Variants in ZZEF1 observed in about 807,000 individuals in gnomAD.
The protein encoded by ZZEF1 is zinc finger ZZ-type and EF-hand domain-containing protein 1.
In ZZEF1, 157 loss-of-function variants were observed where a neutral mutation model predicts 342.8. The observed-to-expected ratio is 0.46, with a 90% CI of 0.40 to 0.52. The LOEUF is 0.52. ZZEF1 is among the 20% of genes least tolerant of loss of function. The pLI is 0.00. For missense variants in ZZEF1, 3,480 were observed against 3,725.6 expected (o/e 0.93, Z 1.72); for synonymous variants, 1,505 against 1,429.1 (o/e 1.05, Z -1.20).
At chr17:4,030,257 A>C (rs2056512481) in intron 42 of ZZEF1, among the ~76,000 whole-genome samples, 1 of 152,184 alleles carries the variant, frequency 6.6e-6, no homozygotes, top group African/African-American at 2.4e-5. Flanking sequence ...AAATTGCCAC[A>C]ATCAGAAAAT....
intron 34 of ZZEF1, 80 bp from the exon 35 acceptor site, chr17:4,052,216 A>G (rs2057063712): frequency 1.4e-6 from 2 of 1,396,768 alleles, no homozygotes; most frequent in South Asian, 1.4e-5. Context: ...AACCAACCCC[A>G]GCACCAGGGC....
At chr17:4,078,151 C>A in intron 18 of ZZEF1, 109 bp from the exon 19 acceptor site, 1 of 1,188,592 alleles carries the variant, frequency 8.4e-7, no homozygotes. Context: ...CAAACTATAG[C>A]CACGGAAAAG....
intron 42 of ZZEF1, 137 bp downstream of exon 42, chr17:4,031,989 A>C (rs113621358): frequency 2.2e-4 from 191 of 888,020 alleles, no homozygotes; most frequent in African/African-American, 1.4e-3. Flanking sequence ...AAGGAAAAAG[A>C]AGCTCGGGGA....
intron 31 of ZZEF1, 34 bp from the exon 32 acceptor site, chr17:4,058,189 T>C (rs371208884): frequency 1.3e-5 from 20 of 1,584,090 alleles, no homozygotes; most frequent in Non-Finnish European, 1.7e-5. Flanking sequence ...TTAGCAGAGC[T>C]GCTTACTCCC....
chr17:4,050,722 A>G, intron 36 of ZZEF1, 59 bp downstream of exon 36: 1 of 1,605,342 alleles, frequency 6.2e-7, no homozygotes, highest in South Asian at 1.1e-5. Flanking sequence ...ACATTTGCCA[A>G]GGCTTTTTTT....
chr17:4,041,103 T>C (rs965675186), intron 39 of ZZEF1, among the ~76,000 whole-genome samples: 3 of 152,230 alleles, frequency 2.0e-5, no homozygotes, highest in African/African-American at 7.2e-5. Flanking sequence ...GTGACTGCAC[T>C]GTCCAAGCCT....
chr17:4,008,852 G>A lies in ZZEF1; in HGVS notation c.8805+31C>T, dbSNP rs369405666. 3.2e-6 allele frequency: 5 copies of A among 1,542,986 alleles called. No individual in the cohort carries two copies. Among genetic ancestry groups the A allele is most frequent in the Non-Finnish European group, 3.5e-6 (4 of 1,146,614 alleles). On this transcript the variant is annotated intron_variant, in intron 54 of 54. Coordinates refer to ENST00000381638, the MANE Select transcript of ZZEF1 (RefSeq NM_015113.4). This position sits in a 1 kb window ranked among gnomAD's most constrained non-coding sequence, Gnocchi z 4.2. Reference sequence around the variant, plus strand: ...GGTGAGATGGTGGCGCCCCAGCCTGGGGGCCAGCTCTGTTGGGGTGGAGAG... The same window carrying A: ...GGTGAGATGGTGGCGCCCCAGCCTGAGGGCCAGCTCTGTTGGGGTGGAGAG...
chr17:4,105,144 A>T (rs148170176), intron 7 of ZZEF1, among the ~76,000 whole-genome samples: 1 of 152,208 alleles, frequency 6.6e-6, no homozygotes, highest in African/African-American at 2.4e-5. Flanking sequence ...TGAAGCACTA[A>T]AAATGTATCA....
chr17:4,061,280 T>C (rs1045836335), intron 30 of ZZEF1, among the ~76,000 whole-genome samples: 2 of 152,216 alleles, frequency 1.3e-5, no homozygotes, highest in African/African-American at 2.4e-5. Context: ...TCTCTTGACT[T>C]CTGGGACAAC....
At chr17:4,044,162 G>A in intron 38 of ZZEF1, 62 bp downstream of exon 38, 1 of 1,575,530 alleles carries the variant, frequency 6.3e-7, no homozygotes, top group Non-Finnish European at 8.7e-7. Context: ...AAACAGCTCA[G>A]GGATGGGTAT....
chr17:4,088,242 T>C (rs1365520115), intron 13 of ZZEF1, among the ~76,000 whole-genome samples: 1 of 152,184 alleles, frequency 6.6e-6, no homozygotes, highest in Non-Finnish European at 1.5e-5. Flanking sequence ...ATCAAAAAAG[T>C]TAGAAATCAA....
intron 39 of ZZEF1, among the ~76,000 whole-genome samples, chr17:4,040,841 T>G (rs1376017711): frequency 6.6e-6 from 1 of 152,112 alleles, no homozygotes; most frequent in Non-Finnish European, 1.5e-5. Context: ...AAGGTCACTC[T>G]TACAGTGAAA....
rs1414850276 is a variant in ZZEF1 at position 4,004,688 on chromosome 17, A to C, written c.*2202T>G. On this transcript the variant is annotated 3_prime_UTR_variant, in exon 55 of 55. Coordinates refer to ENST00000381638, the MANE Select transcript of ZZEF1 (RefSeq NM_015113.4). ...TACAACAGGTATGCTCTGGAACAGGATTTCTTTACAGCGTAGGCACGTGTT... is the reference window on the plus strand; with the variant it reads ...TACAACAGGTATGCTCTGGAACAGGCTTTCTTTACAGCGTAGGCACGTGTT... 1 of 152,376 alleles carries C rather than the reference A, an allele frequency of 6.6e-6. No individual in the cohort carries two copies. The highest frequency in any genetic ancestry group is 2.4e-5 in the African/African-American group (1 of 41,454). The allele number at this position is 152,376 out of a possible 1,614,324, so 9.4% of individuals were successfully genotyped here.
chr17:4,062,945 C>T, intron 29 of ZZEF1, 28 bp from the exon 30 acceptor site: 1 of 1,584,950 alleles, frequency 6.3e-7, no homozygotes, highest in South Asian at 1.1e-5. Flanking sequence ...GTCAGGAACA[C>T]CCAGAAAACT....
At chr17:4,129,600 A>T (rs1445715101) in intron 1 of ZZEF1, among the ~76,000 whole-genome samples, 1 of 152,094 alleles carries the variant, frequency 6.6e-6, no homozygotes, top group Non-Finnish European at 1.5e-5. Context: ...GCACTTTGGG[A>T]GGCCGAGGCG....
At chr17:4,073,960 C>T (rs1481598773) in intron 24 of ZZEF1, among the ~76,000 whole-genome samples, 190 bp downstream of exon 24, 1 of 152,004 alleles carries the variant, frequency 6.6e-6, no homozygotes, top group East Asian at 1.9e-4. Flanking sequence ...TGCTATGTTC[C>T]AAAGTCTAAG....
Position 4,021,234 on chromosome 17 carries a change from G to C in ZZEF1, c.7299C>G (p.Asp2433Glu). Residue 2433 changes from aspartate to glutamate, a missense_variant, in exon 45 of 55, where the codon GAC (aspartate) becomes GAG (glutamate). Physicochemically the swap from Asp to Glu is conservative, Grantham distance 45. Around this residue, in one of 5 missense-constraint regions of ZZEF1, gnomAD observed 1,269 missense variants for 1,342.4 expected, o/e 0.95. Transcript: ENST00000381638. ...HGDLELDERG[D>E]REEEVERPVS... The stretch of plus-strand genomic sequence containing the variant: ...CTGGCCGTTCCACCTCTTCCTCTCG[G>C]TCCCCTCGCTCATCCAGCTCTAGGT... 1 of 1,614,150 alleles carries C rather than the reference G, an allele frequency of 6.2e-7. No homozygotes were observed.
At chr17:4,104,122 A>T (rs1256043371) in intron 8 of ZZEF1, among the ~76,000 whole-genome samples, 1 of 152,162 alleles carries the variant, frequency 6.6e-6, no homozygotes, top group Non-Finnish European at 1.5e-5. Context: ...GCTCATATGA[A>T]TTACTGCTAG....
intron 43 of ZZEF1, among the ~76,000 whole-genome samples, chr17:4,023,536 C>T (rs1282699832): frequency 2.6e-5 from 4 of 151,408 alleles, no homozygotes; most frequent in African/African-American, 4.9e-5. Flanking sequence ...AAAGAAACAG[C>T]AGGCTGGGCA....
Sources: allele counts gnomAD v4.1 joint callset (sites outside exome capture counted in the v4.1 genomes callset), GRCh38; gene constraint gnomAD v4.1.1; regional missense constraint gnomAD v4.1.1; non-coding constraint Gnocchi (gnomAD v3.1); transcripts MANE v1.5; gene names NCBI Gene and HGNC (gene_info 2026-07-23, HGNC 2026-07-21).